The following SKAP1 variants were observed in gnomAD, a reference collection of about 807,000 sequenced individuals.
The protein encoded by SKAP1 is src kinase associated phosphoprotein 1, also known as src kinase-associated phosphoprotein 1.
SKAP1 carries 44 observed loss-of-function variants against 58.5 expected under a neutral mutation model. The ratio of observed to expected loss-of-function variants is 0.75; its 90% CI spans 0.59 to 0.97. The LOEUF is 0.97. SKAP1 is among the 50% of genes least tolerant of loss of function. The pLI, the probability that SKAP1 is intolerant of heterozygous loss-of-function variation, is 0.00. For synonymous variants in SKAP1, 127 were observed against 149.7 expected, an observed-to-expected ratio of 0.85 and a Z score of 1.11; for missense variants, 390 against 435.2, an observed-to-expected ratio of 0.90 and a Z score of 0.92.
chr17:48,363,680 GA>G (rs1301941019), intron 3 of SKAP1, 108 bp downstream of exon 3: 5 of 945,254 alleles, frequency 5.3e-6, no homozygotes, highest in Non-Finnish European at 7.9e-6. Context: ...ACTTTCCTTG[GA>G]AATGGTTAAT....
chr17:48,182,453 G>A lies in SKAP1; in HGVS notation c.572C>T (p.Thr191Ile). 1 of 1,603,052 alleles carries A rather than the reference G, an allele frequency of 6.2e-7. No homozygotes were observed. The highest frequency in any genetic ancestry group is 8.5e-7 in the Non-Finnish European group (1 of 1,173,740). The change falls in exon 8 of 13, where the codon ACA becomes ATA. Residue 191 changes from threonine to isoleucine, a missense_variant. Thr to Ile is a moderately conservative substitution (Grantham distance 89, BLOSUM62 -1). Coordinates refer to ENST00000336915, the MANE Select transcript of SKAP1 (RefSeq NM_003726.4). ...TSQDRRSYEF[T>I]ATSPAEARDW... ...TCTGGCTTCTGCTGGACTAGTAGCTGTAAACTAGAGAAAAATCAGTGAATT... is the reference window on the plus strand; with the variant it reads ...TCTGGCTTCTGCTGGACTAGTAGCTATAAACTAGAGAAAAATCAGTGAATT...
chr17:48,403,897 G>T (rs568105064), intron 1 of SKAP1, among the ~76,000 whole-genome samples: 1 of 151,256 alleles, frequency 6.6e-6, no homozygotes, highest in Non-Finnish European at 1.5e-5. Flanking sequence ...GACCAGCCTG[G>T]CCAATATGGC....
chr17:48,271,529 C>A (rs961534628), intron 4 of SKAP1, among the ~76,000 whole-genome samples: 18 of 151,850 alleles, frequency 1.2e-4, no homozygotes, highest in Admixed American at 1.0e-3. Context: ...CCACACCTGA[C>A]TAATTTTTTT....
chr17:48,360,257 T>A (rs1415867896), intron 3 of SKAP1, among the ~76,000 whole-genome samples: 1 of 152,164 alleles, frequency 6.6e-6, no homozygotes, highest in Non-Finnish European at 1.5e-5. Flanking sequence ...AATCTAATAT[T>A]CATGAAGATT....
chr17:48,359,932 T>C (rs1284645081), intron 3 of SKAP1, among the ~76,000 whole-genome samples: 1 of 152,208 alleles, frequency 6.6e-6, no homozygotes, highest in Non-Finnish European at 1.5e-5. Context: ...AGGCATCGAT[T>C]TACTTTGACG....
intron 4 of SKAP1, among the ~76,000 whole-genome samples, chr17:48,228,418 G>C (rs1027613837): frequency 6.6e-6 from 1 of 152,188 alleles, no homozygotes; most frequent in African/African-American, 2.4e-5. Flanking sequence ...GCTAATCATA[G>C]ATGCTTCTAT....
chr17:48,230,549 G>A (rs1413190784), intron 4 of SKAP1, among the ~76,000 whole-genome samples: 1 of 152,142 alleles, frequency 6.6e-6, no homozygotes, highest in Non-Finnish European at 1.5e-5. Flanking sequence ...GAGGCCAGGA[G>A]TGTGAGACCA....
chr17:48,271,333 G>T, intron 4 of SKAP1, among the ~76,000 whole-genome samples: 1 of 148,428 alleles, frequency 6.7e-6, no homozygotes. Flanking sequence ...AAACCTGACA[G>T]TGATATTAAT....
chr17:48,341,138 T>C (rs147699573), intron 4 of SKAP1, among the ~76,000 whole-genome samples: 21 of 152,310 alleles, frequency 1.4e-4, no homozygotes, highest in African/African-American at 4.8e-4. Context: ...AGATAACCCA[T>C]GGAAAGCACT....
chr17:48,333,965 GCA>G (rs2066536694), intron 4 of SKAP1, among the ~76,000 whole-genome samples: 1 of 151,944 alleles, frequency 6.6e-6, no homozygotes, highest in Non-Finnish European at 1.5e-5. Context: ...GAAAGCATTT[GCA>G]CACACAGAGC....
At chr17:48,408,860 T>G (rs2067624606) in intron 1 of SKAP1, among the ~76,000 whole-genome samples, 1 of 152,214 alleles carries the variant, frequency 6.6e-6, no homozygotes. Context: ...TCACAGTGAA[T>G]GTGATCTGCA....
At chr17:48,251,287 C>T (rs986179226) in intron 4 of SKAP1, among the ~76,000 whole-genome samples, 3 of 152,162 alleles carry the variant, frequency 2.0e-5, no homozygotes, top group Non-Finnish European at 4.4e-5. Context: ...TCTTAATGAA[C>T]ACTTATAAAG....
chr17:48,147,547 G>A (rs940101003), intron 11 of SKAP1, among the ~76,000 whole-genome samples: 156 of 152,250 alleles, frequency 1.0e-3, no homozygotes, highest in African/African-American at 3.6e-3. Context: ...CTGGGAACAA[G>A]AATTGTTCAC....
intron 2 of SKAP1, among the ~76,000 whole-genome samples, chr17:48,371,711 C>A (rs1011171920): frequency 7.2e-6 from 1 of 138,722 alleles, no homozygotes; most frequent in African/African-American, 2.7e-5. Flanking sequence ...TGCATGCATG[C>A]CTGTAGTCCC....
At chr17:48,405,450 T>TTTCTTTC (rs1441641292) in intron 1 of SKAP1, among the ~76,000 whole-genome samples, 3 of 94,004 alleles carry the variant, frequency 3.2e-5, no homozygotes, top group African/African-American at 7.8e-5. Flanking sequence ...TCTTTCTTTC[T>TTTCTTTC]TTTCTTTCTT....
the SKAP1 span, among the ~76,000 whole-genome samples, chr17:48,438,680 G>A: frequency 2.9e-3 from 449 of 152,300 alleles, 1 homozygote; most frequent in African/African-American, 0.01. Flanking sequence ...TCTGGAAGGC[G>A]TGAGATATTA....
At chr17:48,429,973 A>G in intron 1 of SKAP1, 102 bp downstream of exon 1, 1 of 977,612 alleles carries the variant, frequency 1.0e-6, no homozygotes, top group Non-Finnish European at 1.4e-6. Flanking sequence ...TTCTAGAAGG[A>G]GGTGAGTGAC....
chr17:48,286,687 AAC>A (rs1362144471), intron 4 of SKAP1, among the ~76,000 whole-genome samples: 7 of 152,204 alleles, frequency 4.6e-5, no homozygotes, highest in African/African-American at 9.6e-5. Flanking sequence ...TCCCATAACA[AAC>A]ACACACACAC....
chr17:48,289,164 T>A (rs2065870309), intron 4 of SKAP1, among the ~76,000 whole-genome samples: 1 of 152,208 alleles, frequency 6.6e-6, no homozygotes, highest in Admixed American at 6.5e-5. Context: ...TATTCAAGCA[T>A]TCTGATAGGC....
Sources: allele counts gnomAD v4.1 joint callset (sites outside exome capture counted in the v4.1 genomes callset), GRCh38; gene constraint gnomAD v4.1.1; transcripts MANE v1.5; gene names NCBI Gene and HGNC (gene_info 2026-07-23, HGNC 2026-07-21).